The following CCDC93 variants were observed in gnomAD, a reference collection of about 807,000 sequenced individuals.
CCDC93 encodes the protein CCC complex scaffolding subunit CCDC93, also known as coiled-coil domain-containing protein 93.
Under a neutral mutation model 108.2 loss-of-function variants are expected in CCDC93, and 61 were observed. The ratio of observed to expected loss-of-function variants is 0.56; its 90% CI spans 0.46 to 0.70. The LOEUF (loss-of-function observed/expected upper bound fraction) is 0.70. Ranked by LOEUF, CCDC93 falls within the 30% of genes least tolerant of loss-of-function variation. The pLI is 0.00. For missense variants in CCDC93, 685 were observed against 764.2 expected (o/e 0.90, Z 1.22); for synonymous variants, 276 against 260.4 (o/e 1.06, Z -0.58).
intron 6 of CCDC93, among the ~76,000 whole-genome samples, chr2:117,988,231 C>T (rs952865460): frequency 6.6e-6 from 1 of 152,090 alleles, no homozygotes. Flanking sequence ...AGAACTCTTA[C>T]ACTGTGAGAG....
rs565730782 is a variant in CCDC93, at chr2:117,990,907, G to A, written c.519+4539C>T. On this transcript the variant is annotated intron_variant, in intron 6 of 23. Transcript: ENST00000376300. The stretch of plus-strand genomic sequence containing the variant: ...CAGTATCAGTGGTTATCCCTGGCTC[G>A]TGGTATCATGGGTGATTTAGTTTTT... Among the ~76,000 whole-genome samples the A allele has an allele frequency of 5.9e-5, 9 of 151,630 alleles. No homozygotes were observed. The East Asian group carries it at 1.5e-3, about 26-fold the overall frequency.
chr2:117,936,829 T>A, intron 20 of CCDC93, 90 bp from the exon 21 acceptor site: 1 of 959,020 alleles, frequency 1.0e-6, no homozygotes, highest in Non-Finnish European at 1.7e-6. Flanking sequence ...TGTCTCCACA[T>A]ACTGCTTCTG....
At chr2:117,991,964 A>G (rs1367891503) in intron 6 of CCDC93, among the ~76,000 whole-genome samples, 3 of 152,164 alleles carry the variant, frequency 2.0e-5, no homozygotes, top group African/African-American at 7.2e-5. Context: ...CAAGTCAGCT[A>G]AAGAAGGGCT....
At position 117,920,126 on chromosome 2, in the gene CCDC93, A is replaced by G. The variant is rs1213633998; in HGVS notation, c.*217T>C. On this transcript the variant is annotated 3_prime_UTR_variant, in exon 24 of 24. Coordinates refer to ENST00000376300, the MANE Select transcript of CCDC93 (RefSeq NM_019044.5). ...TACTCCCTATATTCTTCATAGGATGATGGGTGTTATCCAAGCCACGTGTTT... is the reference window on the plus strand; with the variant it reads ...TACTCCCTATATTCTTCATAGGATGGTGGGTGTTATCCAAGCCACGTGTTT... The G allele has an allele frequency of 1.3e-5, 6 of 463,784 alleles. No homozygotes were observed. The highest frequency in any genetic ancestry group is 3.9e-5 in the African/African-American group (2 of 51,710). 28.7% of individuals were successfully genotyped at this position (463,784 alleles called of 1,614,324 possible). A position where few individuals can be genotyped will look rare whatever the true frequency, so the allele number is the denominator to read the frequency against.
chr2:117,942,945 T>C (rs1223850229), intron 18 of CCDC93, among the ~76,000 whole-genome samples: 2 of 152,268 alleles, frequency 1.3e-5, no homozygotes, highest in South Asian at 2.1e-4. Context: ...TTCTCCTCTA[T>C]GAATAACACA....
intron 20 of CCDC93, among the ~76,000 whole-genome samples, chr2:117,938,143 A>T (rs974360637): frequency 3.3e-5 from 5 of 152,218 alleles, no homozygotes; most frequent in Admixed American, 2.6e-4. Context: ...ACATTTTCTC[A>T]TTCTGTCCGC....
chr2:118,006,594 G>A, intron 3 of CCDC93, 128 bp downstream of exon 3: 1 of 681,496 alleles, frequency 1.5e-6, no homozygotes, highest in Non-Finnish European at 2.7e-6. Context: ...GTAAGGCAGG[G>A]ATAATACCTC....
At position 117,977,865 on chromosome 2, in the gene CCDC93, G is replaced by T. The variant is rs984518747; in HGVS notation, c.657+129C>A. The T allele has an allele frequency of 3.8e-5, 30 of 787,474 alleles. No individual in the cohort carries two copies. In the African/African-American group the frequency reaches 5.2e-4, roughly 14 times the overall value. 48.8% of individuals were successfully genotyped at this position (787,474 alleles called of 1,614,324 possible). A position where few individuals can be genotyped will look rare whatever the true frequency, so the allele number is the denominator to read the frequency against. ...GAAAAGCCAGGACGGAGATGCAGGG[G>T]CCAAAGGCAGCTCACACATCCCTGG... On this transcript the variant is annotated intron_variant, in intron 8 of 23. Transcript: ENST00000376300.
chr2:117,999,004 G>A (rs1243967633), intron 4 of CCDC93: 1 of 152,184 alleles, frequency 6.6e-6, no homozygotes, highest in Non-Finnish European at 1.5e-5. Flanking sequence ...ACACATAACA[G>A]TAACAAACTA....
At chr2:117,933,023 T>TG (rs1444591386) in intron 22 of CCDC93, among the ~76,000 whole-genome samples, 1 of 152,212 alleles carries the variant, frequency 6.6e-6, no homozygotes, top group Non-Finnish European at 1.5e-5. Flanking sequence ...GGATCCACTG[T>TG]GGGAGTTAGT....
chr2:117,979,666 C>A (rs1329417713), intron 7 of CCDC93, among the ~76,000 whole-genome samples: 7 of 152,214 alleles, frequency 4.6e-5, no homozygotes, highest in Non-Finnish European at 5.9e-5. Flanking sequence ...ACCAAAAAGT[C>A]ACTGCTGGGC....
intron 18 of CCDC93, among the ~76,000 whole-genome samples, chr2:117,943,713 C>T (rs1678777335): frequency 6.6e-6 from 1 of 152,234 alleles, no homozygotes; most frequent in Non-Finnish European, 1.5e-5. Flanking sequence ...GTCACTCTCA[C>T]AAACTGCCGG....
chr2:117,978,578 T>C (rs1398296983), intron 7 of CCDC93, among the ~76,000 whole-genome samples: 1 of 152,180 alleles, frequency 6.6e-6, no homozygotes, highest in Admixed American at 6.5e-5. Context: ...TTAATCTATG[T>C]TTTTTTAAAA....
chr2:117,973,801 G>T, intron 11 of CCDC93, 107 bp downstream of exon 11: 1 of 819,926 alleles, frequency 1.2e-6, no homozygotes, highest in Non-Finnish European at 2.0e-6. Flanking sequence ...TGGCTGGTGA[G>T]TTACAAGAGA....
At chr2:117,959,869 C>A (rs762334165) in intron 11 of CCDC93, among the ~76,000 whole-genome samples, 3 of 152,026 alleles carry the variant, frequency 2.0e-5, no homozygotes, top group Non-Finnish European at 4.4e-5. Flanking sequence ...TTTGGACGCA[C>A]CAAGATATTC....
Position 117,923,233 on chromosome 2 carries a change from G to A in CCDC93, c.1843-2837C>T, listed in dbSNP as rs374856596. ...TGTCTGCATTTCCAACTGAGGTACC[G>A]GGTTCACCTCACTGGGGAGTGTCAG... is the stretch of plus-strand genomic sequence containing the variant. On this transcript the variant is annotated intron_variant, in intron 23 of 23. Coordinates refer to ENST00000376300, the MANE Select transcript of CCDC93 (RefSeq NM_019044.5). 2.4e-4 allele frequency among the ~76,000 whole-genome samples: 37 copies of A among 152,246 alleles called. No homozygotes were observed. The Middle Eastern group carries it at 0.014, about 56-fold the overall frequency.
chr2:117,948,867 A>C (rs554500580), intron 14 of CCDC93, among the ~76,000 whole-genome samples: 1 of 152,346 alleles, frequency 6.6e-6, no homozygotes, highest in Middle Eastern at 3.4e-3. Flanking sequence ...TCTACATGAA[A>C]GAACAAACAA....
chr2:118,006,405 G>A (rs777772279), intron 3 of CCDC93, among the ~76,000 whole-genome samples: 6 of 152,160 alleles, frequency 3.9e-5, no homozygotes, highest in South Asian at 4.1e-4. Flanking sequence ...GCTTTCTCTC[G>A]AAGACAGGCA....
At position 118,012,192 on chromosome 2, in the gene CCDC93, T is replaced by C. The variant is rs182206231; in HGVS notation, c.42+1762A>G. On this transcript the variant is annotated intron_variant, in intron 1 of 23. Transcript: ENST00000376300. ...GGAAGCCTGAGGCATAAGAATTGCT[T>C]GAACCTGGGAGGCAGAGGTTGCAAT... 1.4e-3 allele frequency among the ~76,000 whole-genome samples: 220 copies of C among 152,056 alleles called. 1 individual carries two copies. Among genetic ancestry groups the C allele is most frequent in the African/African-American group, 5.2e-3 (216 of 41,472 alleles).
Sources: gnomAD v4.1 joint callset for allele counts (sites outside exome capture counted in the v4.1 genomes callset) on GRCh38, gnomAD v4.1.1 for gene constraint, MANE v1.5 for transcripts, NCBI Gene and HGNC (gene_info 2026-07-23, HGNC 2026-07-21) for gene names.